Variants in IQGAP2 observed in about 807,000 individuals in gnomAD.
IQGAP2 encodes the protein IQ motif containing GTPase activating protein 2.
A neutral mutation model predicts 201.3 loss-of-function variants in IQGAP2; 173 were observed. The observed-to-expected ratio is 0.86, with a 90% CI of 0.76 to 0.98. IQGAP2 has a LOEUF of 0.98. IQGAP2 is among the 50% of genes least tolerant of loss of function. The pLI, the probability that IQGAP2 is intolerant of heterozygous loss-of-function variation, is 0.00. For synonymous variants in IQGAP2, 675 were observed against 673.9 expected, an observed-to-expected ratio of 1.00 and a Z score of -0.03; for missense variants, 1,687 against 1,864.8, an observed-to-expected ratio of 0.90 and a Z score of 1.76.
chr5:76,596,338 AT>A (rs1247449205), intron 9 of IQGAP2, among the ~76,000 whole-genome samples: 1 of 152,124 alleles, frequency 6.6e-6, no homozygotes, highest in Non-Finnish European at 1.5e-5. Flanking sequence ...TCTCTGTCTG[AT>A]TTGCTCTTTC....
chr5:76,432,747 C>T (rs1752444879), intron 1 of IQGAP2, among the ~76,000 whole-genome samples: 1 of 152,210 alleles, frequency 6.6e-6, no homozygotes, highest in Non-Finnish European at 1.5e-5. Flanking sequence ...GTAGGATAGA[C>T]AGAAACATAA....
At chr5:76,409,462 G>A (rs1306979847) in intron 1 of IQGAP2, among the ~76,000 whole-genome samples, 1 of 151,822 alleles carries the variant, frequency 6.6e-6, no homozygotes, top group African/African-American at 2.4e-5. Flanking sequence ...GGCCAGGCTG[G>A]TCTCGAACTC....
At chr5:76,689,230 T>TA (rs11424254) in intron 30 of IQGAP2, among the ~76,000 whole-genome samples, 64,239 of 86,276 alleles carry the variant, frequency 0.74, 25,262 homozygotes, top group East Asian at 0.91. Flanking sequence ...CAGGGATATT[T>TA]AAAAAAAAAA....
intron 2 of IQGAP2, among the ~76,000 whole-genome samples, chr5:76,549,741 GC>G (rs1208368354): frequency 6.6e-6 from 1 of 152,122 alleles, no homozygotes; most frequent in Non-Finnish European, 1.5e-5. Flanking sequence ...TGAGCGTTCA[GC>G]CCTGGGAGCT....
At position 76,577,705 on chromosome 5, in the gene IQGAP2, T is replaced by C. The variant is rs187722693; in HGVS notation, c.458+1936T>C. Reference sequence around the variant, plus strand: ...CAAAGGAGGCTGATATTCTGCTTTGTTGTGCAAGACACATTTGAAAGCTGA... The same window carrying C: ...CAAAGGAGGCTGATATTCTGCTTTGCTGTGCAAGACACATTTGAAAGCTGA... On this transcript the variant is annotated intron_variant, in intron 5 of 35. Transcript: ENST00000274364. Among the ~76,000 whole-genome samples, 87 of 152,358 alleles carry C rather than the reference T, an allele frequency of 5.7e-4. 1 individual carries two copies. The highest frequency in any genetic ancestry group is 1.8e-3 in the African/African-American group (76 of 41,588).
intron 14 of IQGAP2, among the ~76,000 whole-genome samples, chr5:76,628,257 G>A (rs1016088069): frequency 1.3e-5 from 2 of 152,184 alleles, no homozygotes; most frequent in African/African-American, 4.8e-5. Context: ...GCTCTGAACT[G>A]ACACTAATTC....
At chr5:76,604,987 C>G (rs1393106523) in intron 11 of IQGAP2, among the ~76,000 whole-genome samples, 1 of 152,166 alleles carries the variant, frequency 6.6e-6, no homozygotes, top group South Asian at 2.1e-4. Flanking sequence ...TCTGCCATTA[C>G]TAGATCCCTA....
chr5:76,623,393 C>T (rs1403380580), intron 13 of IQGAP2: 3 of 706,142 alleles, frequency 4.2e-6, no homozygotes, highest in Admixed American at 2.8e-5. Context: ...CCTGGTCCTC[C>T]GCAGGGAAAG....
intron 1 of IQGAP2, among the ~76,000 whole-genome samples, chr5:76,420,972 A>G (rs1751701790): frequency 6.6e-6 from 1 of 152,170 alleles, no homozygotes; most frequent in Admixed American, 6.5e-5. Flanking sequence ...CCATTCATTC[A>G]TTGATTGATA....
intron 18 of IQGAP2, among the ~76,000 whole-genome samples, chr5:76,653,949 C>G (rs1467855495): frequency 1.3e-5 from 2 of 152,124 alleles, no homozygotes. Context: ...AATTATTTTC[C>G]CCACTTCTCT....
intron 1 of IQGAP2, among the ~76,000 whole-genome samples, chr5:76,440,096 T>G (rs1322023317): frequency 6.6e-6 from 1 of 152,248 alleles, no homozygotes; most frequent in Non-Finnish European, 1.5e-5. Context: ...ACTTTATTTC[T>G]CCTTCATTTA....
At chr5:76,597,638 A>T in intron 10 of IQGAP2, 36 bp downstream of exon 10, 1 of 1,609,322 alleles carries the variant, frequency 6.2e-7, no homozygotes, top group African/African-American at 1.3e-5. Context: ...GGGGACGGTA[A>T]CCCTGCGTGC....
chr5:76,443,409 T>C (rs908934151), intron 1 of IQGAP2, among the ~76,000 whole-genome samples: 1 of 151,888 alleles, frequency 6.6e-6, no homozygotes, highest in African/African-American at 2.4e-5. Flanking sequence ...TCATTTGAAC[T>C]TAGGAATTCC....
rs977265430 is a variant in IQGAP2, at chr5:76,636,426, A to T, written c.1781-608A>T. Reference sequence around the variant, plus strand: ...TTCCCCAAAATTAAGTTTCAAAAAAATTTTTTTCTCATTTCTTGTGGTTGC... The same window carrying T: ...TTCCCCAAAATTAAGTTTCAAAAAATTTTTTTTCTCATTTCTTGTGGTTGC... On this transcript the variant is annotated intron_variant, in intron 15 of 35. Coordinates refer to ENST00000274364, the MANE Select transcript of IQGAP2 (RefSeq NM_006633.5). 3.2e-4 allele frequency among the ~76,000 whole-genome samples: 48 copies of T among 152,120 alleles called. 1 individual carries two copies. Among genetic ancestry groups the T allele is most frequent in the Admixed American group, 8.5e-4 (13 of 15,284 alleles).
chr5:76,501,711 C>A (rs561995144), intron 2 of IQGAP2, among the ~76,000 whole-genome samples: 1 of 132,872 alleles, frequency 7.5e-6, no homozygotes, highest in African/African-American at 2.8e-5. Flanking sequence ...GGCACGATCT[C>A]GGCTCACTGC....
chr5:76,586,199 A>G (rs1198024061), intron 5 of IQGAP2, among the ~76,000 whole-genome samples: 1 of 152,200 alleles, frequency 6.6e-6, no homozygotes, highest in African/African-American at 2.4e-5. Flanking sequence ...TAAGGAATGT[A>G]TCCTCTCTTG....
chr5:76,504,674 C>G (rs911608494), intron 2 of IQGAP2, among the ~76,000 whole-genome samples: 2 of 152,158 alleles, frequency 1.3e-5, no homozygotes, highest in Admixed American at 6.5e-5. Context: ...GTAACCCTCC[C>G]TCCTACCTAT....
intron 12 of IQGAP2, chr5:76,606,563 G>A (rs1430866972): frequency 4.4e-6 from 1 of 227,388 alleles, no homozygotes; most frequent in Non-Finnish European, 8.5e-6. Context: ...CTGGTTATTT[G>A]TACTTCAGAG....
chr5:76,535,979 A>T (rs183612780), intron 2 of IQGAP2, among the ~76,000 whole-genome samples: 1 of 152,214 alleles, frequency 6.6e-6, no homozygotes, highest in African/African-American at 2.4e-5. Context: ...TAGGAGAAGG[A>T]AATAACATTA....
Sources: gnomAD v4.1 joint callset for allele counts (sites outside exome capture counted in the v4.1 genomes callset) on GRCh38, gnomAD v4.1.1 for gene constraint, MANE v1.5 for transcripts, NCBI Gene and HGNC (gene_info 2026-07-23, HGNC 2026-07-21) for gene names.